The following SREBF2 variants were observed in gnomAD, a reference collection of about 807,000 sequenced individuals.
SREBF2 encodes sterol regulatory element binding transcription factor 2, also known as sterol regulatory element-binding protein 2.
A neutral mutation model predicts 113.1 loss-of-function variants in SREBF2; 55 were observed. The observed-to-expected ratio is 0.49, with a 90% confidence interval of 0.39 to 0.61. The LOEUF is 0.61. Among genes scored for constraint, SREBF2 ranks in the 20% least tolerant of loss-of-function variants. SREBF2 has a pLI of 0.00. For missense variants in SREBF2, 1,349 were observed against 1,487.4 expected (o/e 0.91, Z 1.53); for synonymous variants, 593 against 605.7 (o/e 0.98, Z 0.31).
At chr22:41,877,133 A>G in intron 7 of SREBF2, 96 bp from the exon 8 acceptor site, 1 of 1,270,966 alleles carries the variant, frequency 7.9e-7, no homozygotes, top group African/African-American at 1.5e-5. Flanking sequence ...TTGAATTTAA[A>G]CCTCATAACC....
At chr22:41,837,787 G>A (rs1335411206) in intron 1 of SREBF2, among the ~76,000 whole-genome samples, 1 of 150,746 alleles carries the variant, frequency 6.6e-6, no homozygotes, top group East Asian at 1.9e-4. Flanking sequence ...GAACCCGGGA[G>A]GCAGAGGTTG....
chr22:41,848,323 A>G (rs971734022), intron 1 of SREBF2, among the ~76,000 whole-genome samples: 3 of 151,982 alleles, frequency 2.0e-5, no homozygotes, highest in Non-Finnish European at 1.5e-5. Context: ...TCCTGACCTC[A>G]TGATCCGCCC....
chr22:41,865,137 C>G (rs1414088379), intron 1 of SREBF2, among the ~76,000 whole-genome samples: 1 of 102,342 alleles, frequency 9.8e-6, no homozygotes, highest in African/African-American at 5.6e-5. Flanking sequence ...GCCCCCACAT[C>G]CCCCAAAAAA....
At position 41,842,629 on chromosome 22, in the gene SREBF2, G is replaced by A. The variant is rs2148342745; in HGVS notation, c.88+9271G>A. ...GAGGCAGGAGCGGTTACCAGAAGTGGGATTGTTGGATCAAAGCCAGGGTGG... is the reference window on the plus strand; with the variant it reads ...GAGGCAGGAGCGGTTACCAGAAGTGAGATTGTTGGATCAAAGCCAGGGTGG... On this transcript the variant is annotated intron_variant, in intron 1 of 18. Transcript: ENST00000361204. Among the ~76,000 whole-genome samples, 3 of 152,286 alleles carry A rather than the reference G, an allele frequency of 2.0e-5. 1 individual carries two copies. The South Asian group carries it at 6.2e-4, about 32-fold the overall frequency.
intron 9 of SREBF2, among the ~76,000 whole-genome samples, chr22:41,878,401 G>A (rs2077216939): frequency 6.6e-6 from 1 of 152,138 alleles, no homozygotes; most frequent in East Asian, 1.9e-4. Context: ...TAGGAAGGAA[G>A]GGCAGAGGTG....
At position 41,905,638 on chromosome 22, in the gene SREBF2, G is replaced by T. The variant is rs1285178539; in HGVS notation, c.3404G>T (p.Gly1135Val). 5 of 1,590,416 alleles carry T rather than the reference G, an allele frequency of 3.1e-6. No homozygotes were observed. The highest frequency in any genetic ancestry group is 4.3e-6 in the Non-Finnish European group (5 of 1,169,388). Residue 1135 changes from glycine to valine, a missense_variant, in exon 19 of 19, where the codon GGC (glycine) becomes GTC (valine). This residue lies in a region of SREBF2 where 650 missense variants were observed against 644.1 expected (regional missense o/e 1.01). Coordinates refer to ENST00000361204, the MANE Select transcript of SREBF2 (RefSeq NM_004599.4). Reference protein sequence around the residue: ...CQQMIVKLGGGTAIAAS With the variant: ...CQQMIVKLGGVTAIAAS ...CAGATGATTGTTAAGCTGGGTGGTG[G>T]CACTGCCATTGCCGCCTCCTGACCA...
chr22:41,843,264 T>A (rs2148343524), intron 1 of SREBF2, among the ~76,000 whole-genome samples: 1 of 152,372 alleles, frequency 6.6e-6, no homozygotes, highest in East Asian at 1.9e-4. Context: ...TAGTCACCTC[T>A]ACTTTTTGAT....
intron 1 of SREBF2, among the ~76,000 whole-genome samples, chr22:41,850,331 C>T (rs181915790): frequency 6.6e-6 from 1 of 151,884 alleles, no homozygotes; most frequent in African/African-American, 2.4e-5. Flanking sequence ...CACCTGTAGT[C>T]CCAGCTACTC....
chr22:41,856,850 G>A (rs753551212), intron 1 of SREBF2, among the ~76,000 whole-genome samples: 50 of 152,102 alleles, frequency 3.3e-4, no homozygotes, highest in Non-Finnish European at 6.5e-4. Context: ...TGAGGCAGGT[G>A]GATCACCTAA....
chr22:41,899,994 A>G, intron 15 of SREBF2: 2 of 1,247,654 alleles, frequency 1.6e-6, no homozygotes, highest in Non-Finnish European at 2.0e-6. Flanking sequence ...GAACGGGTAC[A>G]ACACCTTATT....
intron 11 of SREBF2, among the ~76,000 whole-genome samples, chr22:41,887,317 A>G (rs2077308858): frequency 6.6e-6 from 1 of 152,232 alleles, no homozygotes; most frequent in African/African-American, 2.4e-5. Context: ...CCTTATAGCC[A>G]GCAGACAGAT....
At chr22:41,863,358 T>C (rs2077042770) in intron 1 of SREBF2, among the ~76,000 whole-genome samples, 2 of 152,240 alleles carry the variant, frequency 1.3e-5, no homozygotes, top group Admixed American at 1.3e-4. Context: ...TAGCTTTCCA[T>C]GGATGGAAAC....
intron 12 of SREBF2, among the ~76,000 whole-genome samples, chr22:41,894,524 C>T (rs2077393718): frequency 6.6e-6 from 1 of 152,142 alleles, no homozygotes; most frequent in Non-Finnish European, 1.5e-5. Flanking sequence ...GATCCAACTC[C>T]ACCTGACAGC....
At chr22:41,836,593 C>T (rs2076777961) in intron 1 of SREBF2, among the ~76,000 whole-genome samples, 1 of 152,198 alleles carries the variant, frequency 6.6e-6, no homozygotes, top group Non-Finnish European at 1.5e-5. Flanking sequence ...CGTTTCATTC[C>T]CACTAAATTC....
chr22:41,875,043 A>G (rs1437952078), intron 5 of SREBF2, among the ~76,000 whole-genome samples: 2 of 152,254 alleles, frequency 1.3e-5, no homozygotes, highest in Non-Finnish European at 2.9e-5. Flanking sequence ...TTGAGTGTCA[A>G]CTATTTGCCA....
Position 41,894,808 on chromosome 22 carries a change from T to A in SREBF2, c.2378-12T>A, listed in dbSNP as rs774107511. ...AGCTCCATTTAACCCCCCTTGCCTGTCTCTTTTCCAGCTGACCCCATTGCG... is the reference window on the plus strand; with the variant it reads ...AGCTCCATTTAACCCCCCTTGCCTGACTCTTTTCCAGCTGACCCCATTGCG... On this transcript the variant is annotated splice_polypyrimidine_tract_variant and intron_variant, in intron 12 of 18. Coordinates refer to ENST00000361204, the MANE Select transcript of SREBF2 (RefSeq NM_004599.4). 3.1e-6 allele frequency: 5 copies of A among 1,613,248 alleles called. No individual in the cohort carries two copies. The highest frequency in any genetic ancestry group is 4.2e-6 in the Non-Finnish European group (5 of 1,179,194).
intron 7 of SREBF2, among the ~76,000 whole-genome samples, chr22:41,876,544 A>G (rs952433219): frequency 6.6e-6 from 1 of 152,192 alleles, no homozygotes; most frequent in African/African-American, 2.4e-5. Flanking sequence ...CTATATACAC[A>G]TTGGGGCGCA....
intron 16 of SREBF2, 28 bp from the exon 17 acceptor site, chr22:41,902,942 C>A: frequency 6.3e-7 from 1 of 1,599,210 alleles, no homozygotes; most frequent in Non-Finnish European, 8.5e-7. Context: ...AGTCACCTGT[C>A]TCCCCTCTCT....
At chr22:41,840,333 G>A (rs5996074) in intron 1 of SREBF2, among the ~76,000 whole-genome samples, 112,159 of 152,034 alleles carry the variant, frequency 0.74, 41,840 homozygotes, top group African/African-American at 0.82. Flanking sequence ...GTGGTGGTCA[G>A]TTCCTTTCTT....
Sources: allele counts gnomAD v4.1 joint callset (sites outside exome capture counted in the v4.1 genomes callset), GRCh38; gene constraint gnomAD v4.1.1; regional missense constraint gnomAD v4.1.1; transcripts MANE v1.5; gene names NCBI Gene and HGNC (gene_info 2026-07-23, HGNC 2026-07-21).